Variants in RARA observed in about 807,000 individuals in gnomAD.
RARA encodes the protein PML-DDX5-RARA fusion.
A neutral mutation model predicts 42.8 loss-of-function variants in RARA; 5 were observed. That is an observed-to-expected ratio of 0.12 (90% CI 0.06 to 0.25). The LOEUF (loss-of-function observed/expected upper bound fraction) is 0.25, where lower values mean the gene tolerates loss of function less well. Among genes scored for constraint, RARA ranks in the 10% least tolerant of loss-of-function variants. RARA has a pLI of 1.00. For synonymous variants in RARA, 256 were observed against 259.5 expected (o/e 0.99, Z 0.13); for missense variants, 402 against 628.7 (o/e 0.64, Z 3.86).
At position 40,355,342 on chromosome 17, in the gene RARA, G is replaced by A; in HGVS notation, c.1092G>A (p.Arg364=). Reference sequence around the variant, plus strand: ...TGGAGGCGCTAAAGGTCTACGTGCGGAAGCGGAGGCCCAGCCGCCCCCACA... The same window carrying A: ...TGGAGGCGCTAAAGGTCTACGTGCGAAAGCGGAGGCCCAGCCGCCCCCACA... ...PLLEALKVYV[R]KRRPSRPHMF... The change falls in exon 8 of 9, where the codon CGG becomes CGA. Residue 364 remains arginine (R), a synonymous_variant. Coordinates refer to ENST00000254066, the MANE Select transcript of RARA (RefSeq NM_000964.4). The surrounding 1 kb of genome is among the most constrained non-coding windows in gnomAD (Gnocchi z 4.1). The A allele has an allele frequency of 6.2e-7, 1 of 1,613,280 alleles. No homozygotes were observed. Among genetic ancestry groups the A allele is most frequent in the South Asian group, 1.1e-5 (1 of 90,932 alleles).
chr17:40,342,357 T>C (rs1461137421), intron 2 of RARA: 26 of 1,075,612 alleles, frequency 2.4e-5, no homozygotes, highest in East Asian at 5.0e-5. Flanking sequence ...GCCTGCGGAC[T>C]TGGGGAGCCG....
intron 1 of RARA, among the ~76,000 whole-genome samples, chr17:40,309,711 C>T (rs1206006783): frequency 6.6e-6 from 1 of 152,196 alleles, no homozygotes; most frequent in African/African-American, 2.4e-5. Flanking sequence ...CTTGCTTCCT[C>T]ACCCAAAGAG....
At chr17:40,325,438 G>T (rs2033513852) in intron 1 of RARA, among the ~76,000 whole-genome samples, 1 of 152,136 alleles carries the variant, frequency 6.6e-6, no homozygotes, top group East Asian at 1.9e-4. Flanking sequence ...CCTTGAAAAA[G>T]CGGGGAGTAG....
intron 1 of RARA, among the ~76,000 whole-genome samples, chr17:40,325,890 C>A (rs1048623273): frequency 1.3e-5 from 2 of 152,200 alleles, no homozygotes; most frequent in Non-Finnish European, 2.9e-5. Flanking sequence ...CCAGTCCCGG[C>A]TGAGTTTGGG....
Position 40,356,688 on chromosome 17 carries a change from C to T in RARA, c.*462C>T, listed in dbSNP as rs1567768914. 2 of 541,992 alleles carry T rather than the reference C, an allele frequency of 3.7e-6. No homozygotes were observed. Among genetic ancestry groups the T allele is most frequent in the Non-Finnish European group, 7.1e-6 (2 of 282,242 alleles). The allele number at this position is 541,992 out of a possible 1,614,324, so 33.6% of individuals were successfully genotyped here. ...GTGGGACAGGGGCGGGGGGTTCCCC[C>T]TGTACATACCCTGCCATACCAACCC... is the stretch of plus-strand genomic sequence containing the variant. On this transcript the variant is annotated 3_prime_UTR_variant, in exon 9 of 9. Coordinates refer to ENST00000254066, the MANE Select transcript of RARA (RefSeq NM_000964.4).
chr17:40,356,822 G>A lies in RARA; in HGVS notation c.*596G>A. Reference sequence around the variant, plus strand: ...TTTATACTGAAGGAATTTGTGCTGTGTATTGGGGGGAGCTGGATCCAGAGC... The same window carrying A: ...TTTATACTGAAGGAATTTGTGCTGTATATTGGGGGGAGCTGGATCCAGAGC... On this transcript the variant is annotated 3_prime_UTR_variant, in exon 9 of 9. Transcript: ENST00000254066. The A allele has an allele frequency of 2.3e-6, 1 of 436,340 alleles. No homozygotes were observed. The highest frequency in any genetic ancestry group is 4.3e-6 in the Non-Finnish European group (1 of 233,156). 27.0% of individuals were successfully genotyped at this position (436,340 alleles called of 1,614,324 possible).
chr17:40,356,897 CTCCTT>C lies in RARA; in HGVS notation c.*674_*678del. 2.4e-6 allele frequency: 1 copy of C among 417,332 alleles called. No homozygotes were observed. Among genetic ancestry groups the C allele is most frequent in the East Asian group, 4.6e-5 (1 of 21,962 alleles). 25.9% of individuals were successfully genotyped at this position (417,332 alleles called of 1,614,324 possible). On this transcript the variant is annotated 3_prime_UTR_variant, in exon 9 of 9. Transcript: ENST00000254066. Reference sequence around the variant, plus strand: ...GAGTGGCTCGGAAGGGGCCCCCACTCTCCTTTCATGTCCCTGTGCCCCCCAGTTCT... The same window carrying C: ...GAGTGGCTCGGAAGGGGCCCCCACTCTCATGTCCCTGTGCCCCCCAGTTCT...
chr17:40,318,795 T>C (rs897530269), intron 1 of RARA, among the ~76,000 whole-genome samples: 1 of 152,236 alleles, frequency 6.6e-6, no homozygotes, highest in African/African-American at 2.4e-5. Context: ...TCAAACCTGT[T>C]TGGGGAGAGA....
intron 1 of RARA, among the ~76,000 whole-genome samples, chr17:40,319,928 G>A (rs1293709059): frequency 6.6e-6 from 1 of 152,148 alleles, no homozygotes; most frequent in East Asian, 1.9e-4. Flanking sequence ...GGGTGGTTGT[G>A]GAGTCAGGGA....
chr17:40,328,435 A>C (rs532241742), intron 1 of RARA, among the ~76,000 whole-genome samples: 1 of 152,304 alleles, frequency 6.6e-6, no homozygotes, highest in Admixed American at 6.5e-5. Context: ...TTATTGAGAT[A>C]TAATTCACAT....
chr17:40,332,509 C>T (rs2033725721), intron 2 of RARA, among the ~76,000 whole-genome samples: 1 of 152,198 alleles, frequency 6.6e-6, no homozygotes, highest in African/African-American at 2.4e-5. Flanking sequence ...GGGCAGCGCT[C>T]TCTCCCCGGA....
At chr17:40,321,832 A>G (rs1016363010) in intron 1 of RARA, among the ~76,000 whole-genome samples, 2 of 152,252 alleles carry the variant, frequency 1.3e-5, no homozygotes, top group Middle Eastern at 3.4e-3. Context: ...CACCCCCCCA[A>G]CTGGATATGC....
chr17:40,315,084 A>G (rs764554514), intron 1 of RARA, among the ~76,000 whole-genome samples: 18 of 140,668 alleles, frequency 1.3e-4, no homozygotes, highest in Non-Finnish European at 2.4e-4. Context: ...AGGAGGGAAC[A>G]TTGATTGGGT....
rs767138451 is a variant in RARA, at chr17:40,331,257, C to T, written c.39C>T (p.Gly13=). 48 of 1,613,226 alleles carry T rather than the reference C, an allele frequency of 3.0e-5. No homozygotes were observed. Among genetic ancestry groups the T allele is most frequent in the Admixed American group, 5.0e-5 (3 of 59,964 alleles). The change falls in exon 2 of 9, where the codon GGC becomes GGT. Residue 13 remains glycine, a synonymous_variant. Coordinates refer to ENST00000254066, the MANE Select transcript of RARA (RefSeq NM_000964.4). The part of the protein sequence containing the change: ...SNSSSCPTPG[G]GHLNGYPVPP... ...GCAGCTCCTGCCCGACACCTGGGGG[C>T]GGGCACCTCAATGGGTACCCGGTGC...
chr17:40,321,159 T>C (rs1161018070), intron 1 of RARA, among the ~76,000 whole-genome samples: 1 of 151,608 alleles, frequency 6.6e-6, no homozygotes, highest in African/African-American at 2.4e-5. Flanking sequence ...TTCTGGGAAT[T>C]GGCAGGATTG....
At position 40,326,844 on chromosome 17, in the gene RARA, T is replaced by C. The variant is rs1158414984; in HGVS notation, c.-362-4013T>C. Among the ~76,000 whole-genome samples, 1 of 152,042 alleles carries C rather than the reference T, an allele frequency of 6.6e-6. No homozygotes were observed. Among genetic ancestry groups the C allele is most frequent in the Non-Finnish European group, 1.5e-5 (1 of 67,980 alleles). ...GGCCCAGGTGTCTCTCTGAGGGTCA[T>C]AGCTTCTGATGGACCTTCTGAGGCA... On this transcript the variant is annotated intron_variant, in intron 1 of 8. Transcript: ENST00000254066. The surrounding 1 kb of genome is among the most constrained non-coding windows in gnomAD (Gnocchi z 5.2).
intron 2 of RARA, among the ~76,000 whole-genome samples, chr17:40,339,664 T>G (rs1232757306): frequency 1.3e-5 from 2 of 152,172 alleles, no homozygotes; most frequent in Non-Finnish European, 2.9e-5. Flanking sequence ...CTTGCCACAC[T>G]CTGCCTCCCT....
chr17:40,325,587 C>A (rs2033520739), intron 1 of RARA, among the ~76,000 whole-genome samples: 2 of 152,362 alleles, frequency 1.3e-5, no homozygotes, highest in South Asian at 4.1e-4. Context: ...CTGTTCTGCC[C>A]TGCTTGGCCA....
chr17:40,340,491 C>T (rs1312274424), intron 2 of RARA, among the ~76,000 whole-genome samples: 1 of 152,188 alleles, frequency 6.6e-6, no homozygotes, highest in Non-Finnish European at 1.5e-5. Context: ...TAGCCTTCTG[C>T]CAGTTCCTTC....
Sources: gnomAD v4.1 joint callset for allele counts (sites outside exome capture counted in the v4.1 genomes callset) on GRCh38, gnomAD v4.1.1 for gene constraint, Gnocchi (gnomAD v3.1) non-coding constraint, MANE v1.5 for transcripts, NCBI Gene and HGNC (gene_info 2026-07-23, HGNC 2026-07-21) for gene names.